Variants in CREB5 observed in about 807,000 individuals in gnomAD.
The protein encoded by CREB5 is cAMP responsive element binding protein 5, also known as cyclic AMP-responsive element-binding protein 5.
In CREB5, 19 loss-of-function variants were observed where a neutral mutation model predicts 57.1. The observed-to-expected ratio is 0.33, with a 90% CI of 0.23 to 0.49. The LOEUF (loss-of-function observed/expected upper bound fraction) is 0.49, where lower values mean the gene tolerates loss of function less well. Ranked by LOEUF, CREB5 falls within the 20% of genes least tolerant of loss-of-function variation. CREB5 has a pLI of 0.99. For synonymous variants in CREB5, 238 were observed against 238.3 expected, an observed-to-expected ratio of 1.00 and a Z score of 0.01; for missense variants, 579 against 671.6, an observed-to-expected ratio of 0.86 and a Z score of 1.52.
At chr7:28,380,139 G>A (rs909027191) in intron 1 of CREB5, among the ~76,000 whole-genome samples, 14 of 152,176 alleles carry the variant, frequency 9.2e-5, no homozygotes, top group African/African-American at 3.4e-4. Context: ...TTCCTCCTTG[G>A]AAGAAGCTTA....
intron 1 of CREB5, among the ~76,000 whole-genome samples, chr7:28,413,286 C>A (rs999798482): frequency 6.6e-6 from 1 of 151,672 alleles, no homozygotes; most frequent in East Asian, 1.9e-4. Flanking sequence ...TAAGAAAGTT[C>A]TTGAAAAAGA....
chr7:28,751,926 G>C (rs1335422300), intron 7 of CREB5, among the ~76,000 whole-genome samples: 1 of 151,932 alleles, frequency 6.6e-6, no homozygotes, highest in Non-Finnish European at 1.5e-5. Context: ...TTTCTTACGA[G>C]TACCGGTCAG....
At chr7:28,536,118 G>T (rs866447602) in intron 4 of CREB5, among the ~76,000 whole-genome samples, 1 of 152,090 alleles carries the variant, frequency 6.6e-6, no homozygotes, top group South Asian at 2.1e-4. Flanking sequence ...GAGAAAACAC[G>T]CTGTCTGCCT....
At chr7:28,675,337 C>T (rs1172989224) in intron 5 of CREB5, among the ~76,000 whole-genome samples, 1 of 152,192 alleles carries the variant, frequency 6.6e-6, no homozygotes, top group Non-Finnish European at 1.5e-5. Context: ...GAGCCAAGAA[C>T]TCAACAGCAT....
chr7:28,812,755 G>T (rs1809199685), intron 9 of CREB5, among the ~76,000 whole-genome samples: 1 of 152,172 alleles, frequency 6.6e-6, no homozygotes, highest in African/African-American at 2.4e-5. Context: ...ACCTTTGAAT[G>T]ACCCTTTCCC....
intron 1 of CREB5, among the ~76,000 whole-genome samples, chr7:28,338,440 G>A (rs1169735966): frequency 6.6e-6 from 1 of 152,108 alleles, no homozygotes; most frequent in Non-Finnish European, 1.5e-5. Flanking sequence ...AATATGTCAT[G>A]CCACTCTCTC....
intron 1 of CREB5, among the ~76,000 whole-genome samples, chr7:28,308,992 A>C (rs984306410): frequency 1.3e-5 from 2 of 152,182 alleles, no homozygotes; most frequent in Admixed American, 6.5e-5. Context: ...GCTGAGTAGA[A>C]CAAAAAGACC....
chr7:28,721,193 A>G (rs1160007340), intron 6 of CREB5, among the ~76,000 whole-genome samples: 1 of 152,180 alleles, frequency 6.6e-6, no homozygotes, highest in Non-Finnish European at 1.5e-5. Context: ...TGTCACAACC[A>G]GGGTCGGTGG....
intron 4 of CREB5, among the ~76,000 whole-genome samples, chr7:28,566,972 CTT>C (rs1171138218): frequency 1.3e-5 from 2 of 152,140 alleles, no homozygotes; most frequent in Non-Finnish European, 2.9e-5. Context: ...GATTCTTAAA[CTT>C]TTGGGGGAGA....
At chr7:28,678,704 C>T (rs1800441230) in intron 5 of CREB5, among the ~76,000 whole-genome samples, 2 of 152,172 alleles carry the variant, frequency 1.3e-5, no homozygotes, top group African/African-American at 2.4e-5. Context: ...TCACCCTTAT[C>T]AAAACCAACT....
intron 7 of CREB5, among the ~76,000 whole-genome samples, chr7:28,741,141 C>T (rs562676680): frequency 6.6e-5 from 10 of 152,186 alleles, no homozygotes; most frequent in Admixed American, 1.3e-4. Context: ...AGATCTTCCA[C>T]AAACACTTCC....
At chr7:28,523,662 C>G (rs755666845) in intron 4 of CREB5, among the ~76,000 whole-genome samples, 1 of 152,224 alleles carries the variant, frequency 6.6e-6, no homozygotes, top group Non-Finnish European at 1.5e-5. Context: ...AAGCCATCCT[C>G]CCTGAAACTG....
intron 5 of CREB5, among the ~76,000 whole-genome samples, chr7:28,657,481 A>G (rs1799375330): frequency 6.6e-6 from 1 of 152,150 alleles, no homozygotes; most frequent in Non-Finnish European, 1.5e-5. Context: ...CTGTAATCCC[A>G]GCACTTTGGG....
intron 3 of CREB5, among the ~76,000 whole-genome samples, chr7:28,495,681 G>A (rs958931068): frequency 1.3e-5 from 2 of 152,146 alleles, no homozygotes; most frequent in Admixed American, 1.3e-4. Context: ...TCACAATATA[G>A]CATGCATGTG....
chr7:28,731,769 A>G (rs748783555), intron 7 of CREB5, among the ~76,000 whole-genome samples: 1 of 152,204 alleles, frequency 6.6e-6, no homozygotes, highest in Non-Finnish European at 1.5e-5. Flanking sequence ...CACAGGGGTG[A>G]AAGAGGCCAA....
Position 28,660,264 on chromosome 7 carries a change from T to G in CREB5, c.465-58489T>G, listed in dbSNP as rs147497510. Among the ~76,000 whole-genome samples the G allele has an allele frequency of 2.1e-4, 32 of 152,284 alleles. No individual in the cohort carries two copies. In the East Asian group the frequency reaches 6.2e-3, roughly 29 times the overall value. Reference sequence around the variant, plus strand: ...AGAATTCAGAATGGCCTCAAATGTCTTATCAGCACCACGTGTTCTTAGAAA... The same window carrying G: ...AGAATTCAGAATGGCCTCAAATGTCGTATCAGCACCACGTGTTCTTAGAAA... On this transcript the variant is annotated intron_variant, in intron 5 of 10. Transcript: ENST00000357727.
chr7:28,355,740 C>T (rs753492368), intron 1 of CREB5, among the ~76,000 whole-genome samples: 15 of 152,286 alleles, frequency 9.8e-5, no homozygotes, highest in Middle Eastern at 3.4e-3. Flanking sequence ...TAATCCGAAT[C>T]GACTACCTGC....
chr7:28,578,544 A>C (rs1376976956), intron 5 of CREB5, among the ~76,000 whole-genome samples: 1 of 152,248 alleles, frequency 6.6e-6, no homozygotes, highest in Non-Finnish European at 1.5e-5. Context: ...GAACACGTCC[A>C]AGTAATAGGG....
intron 7 of CREB5, among the ~76,000 whole-genome samples, chr7:28,789,948 C>T (rs1807565571): frequency 1.3e-5 from 2 of 152,158 alleles, no homozygotes. Context: ...CTGTGTCTGT[C>T]CAATCTTCCA....
Sources: gnomAD v4.1 joint callset for allele counts (sites outside exome capture counted in the v4.1 genomes callset) on GRCh38, gnomAD v4.1.1 for gene constraint, MANE v1.5 for transcripts, NCBI Gene and HGNC (gene_info 2026-07-23, HGNC 2026-07-21) for gene names.